UBXN2A: variants seen among roughly 807,000 people sequenced by gnomAD.
UBXN2A encodes the protein UBX domain protein 2A.
Under a neutral mutation model 28.4 loss-of-function variants are expected in UBXN2A, and 28 were observed. The observed-to-expected ratio is 0.99, with a 90% confidence interval of 0.73 to 1.35. The LOEUF is 1.35. UBXN2A is among the 40% of genes most tolerant of loss of function. The pLI, the probability that UBXN2A is intolerant of heterozygous loss-of-function variation, is 0.00. For missense variants in UBXN2A, 253 were observed against 297.9 expected, an observed-to-expected ratio of 0.85 and a Z score of 1.11; for synonymous variants, 97 against 103.6, an observed-to-expected ratio of 0.94 and a Z score of 0.39.
chr2:23,971,755 G>T (rs985651320), intron 3 of UBXN2A, among the ~76,000 whole-genome samples: 1 of 152,012 alleles, frequency 6.6e-6, no homozygotes, highest in Non-Finnish European at 1.5e-5. Context: ...TTCCCAAAGT[G>T]CTGGGATTAT....
chr2:23,998,155 C>T (rs1285762066), intron 6 of UBXN2A, among the ~76,000 whole-genome samples: 1 of 152,150 alleles, frequency 6.6e-6, no homozygotes, highest in Non-Finnish European at 1.5e-5. Context: ...TAGAATATCT[C>T]TCAACATTGT....
chr2:23,955,974 C>T (rs1706601674), intron 1 of UBXN2A, among the ~76,000 whole-genome samples: 1 of 152,224 alleles, frequency 6.6e-6, no homozygotes, highest in Non-Finnish European at 1.5e-5. Flanking sequence ...AAGTAATTCT[C>T]ATGCCTCAGC....
At chr2:23,948,134 C>T (rs1706180024) in intron 1 of UBXN2A, among the ~76,000 whole-genome samples, 1 of 152,008 alleles carries the variant, frequency 6.6e-6, no homozygotes, top group Non-Finnish European at 1.5e-5. Flanking sequence ...GGATTACAGG[C>T]GTGAGCAACT....
intron 6 of UBXN2A, among the ~76,000 whole-genome samples, chr2:23,993,834 T>C (rs1472419450): frequency 2.0e-5 from 3 of 152,020 alleles, no homozygotes; most frequent in Non-Finnish European, 4.4e-5. Flanking sequence ...ATTACAGGCA[T>C]GCGCTACCAC....
At chr2:23,947,186 G>C (rs914106544) in intron 1 of UBXN2A, among the ~76,000 whole-genome samples, 2 of 152,114 alleles carry the variant, frequency 1.3e-5, no homozygotes, top group African/African-American at 4.8e-5. Context: ...ACTGTGCCTG[G>C]CCTAACGTAA....
chr2:23,975,723 C>T (rs1408321243), intron 3 of UBXN2A, among the ~76,000 whole-genome samples: 1 of 152,140 alleles, frequency 6.6e-6, no homozygotes, highest in Non-Finnish European at 1.5e-5. Context: ...CCCACAGCTT[C>T]CACCTCCTGG....
intron 2 of UBXN2A, among the ~76,000 whole-genome samples, chr2:23,969,276 C>T: frequency 6.6e-6 from 1 of 152,152 alleles, no homozygotes; most frequent in Non-Finnish European, 1.5e-5. Context: ...GTGGCTCACA[C>T]CTGTAATGCC....
At chr2:23,952,656 G>C (rs1206655863) in intron 1 of UBXN2A, among the ~76,000 whole-genome samples, 5 of 117,746 alleles carry the variant, frequency 4.2e-5, no homozygotes, top group Non-Finnish European at 1.0e-4. Flanking sequence ...TGTTGGCCAG[G>C]CTAGTCTTGA....
chr2:23,997,214 A>AT (rs1456447552), intron 6 of UBXN2A: 1 of 151,892 alleles, frequency 6.6e-6, no homozygotes, highest in African/African-American at 2.4e-5. Context: ...GAGCCAGCCT[A>AT]TTTTTCTTGA....
intron 2 of UBXN2A, among the ~76,000 whole-genome samples, chr2:23,966,083 A>G (rs1456737949): frequency 2.0e-5 from 3 of 152,060 alleles, no homozygotes; most frequent in African/African-American, 4.8e-5. Flanking sequence ...CACCTGTTCA[A>G]TGGAGCCAGA....
intron 4 of UBXN2A, among the ~76,000 whole-genome samples, chr2:23,980,888 C>T (rs1266460454): frequency 1.3e-5 from 2 of 152,072 alleles, no homozygotes; most frequent in Non-Finnish European, 2.9e-5. Context: ...CGGCCTTTCA[C>T]AGTGCTGGGA....
At chr2:23,927,667 T>A (rs534156311) in intron 1 of UBXN2A, 2 of 151,582 alleles carry the variant, frequency 1.3e-5, no homozygotes, top group African/African-American at 4.8e-5. Flanking sequence ...GAACTCTGCG[T>A]TTTTAAACAA....
rs146865588 is a variant in UBXN2A at position 23,982,859 on chromosome 2, T to C, written c.288-37T>C. The stretch of plus-strand genomic sequence containing the variant: ...ATGTTTTTCAGAGAAATAAAATACA[T>C]TGGGAGCTTTATCATTTTCTTTCTT... On this transcript the variant is annotated intron_variant, in intron 4 of 6. Coordinates refer to ENST00000309033, the MANE Select transcript of UBXN2A (RefSeq NM_181713.4). 6 of 1,564,880 alleles carry C rather than the reference T, an allele frequency of 3.8e-6. No homozygotes were observed. In the African/African-American group the frequency reaches 6.9e-5, roughly 18 times the overall value.
chr2:23,977,164 G>C, intron 4 of UBXN2A, 89 bp downstream of exon 4: 1 of 987,056 alleles, frequency 1.0e-6, no homozygotes, highest in Non-Finnish European at 1.6e-6. Flanking sequence ...AGGAGTTCAA[G>C]GCCAGCCGGG....
intron 6 of UBXN2A, among the ~76,000 whole-genome samples, chr2:23,993,218 G>T (rs542618147): frequency 6.6e-6 from 1 of 152,190 alleles, no homozygotes; most frequent in Admixed American, 6.5e-5. Context: ...TGGGAATGGG[G>T]ATTTGTTATT....
chr2:23,971,532 A>G (rs1707421760), intron 3 of UBXN2A, 118 bp downstream of exon 3: 4 of 1,163,080 alleles, frequency 3.4e-6, no homozygotes, highest in South Asian at 2.3e-5. Flanking sequence ...TCTGTCACCC[A>G]GACTGGAGTG....
intron 2 of UBXN2A, among the ~76,000 whole-genome samples, chr2:23,962,675 GGC>G (rs1481562603): frequency 6.9e-6 from 1 of 145,126 alleles, no homozygotes; most frequent in Non-Finnish European, 1.5e-5. Flanking sequence ...ATGCAGTCTC[GGC>G]TCATGGCAGC....
intron 1 of UBXN2A, chr2:23,927,722 G>C (rs1573508782): frequency 6.6e-6 from 1 of 151,934 alleles, no homozygotes; most frequent in East Asian, 1.9e-4. Flanking sequence ...GATCTAAGGC[G>C]GAGCCAAAGA....
chr2:23,982,984 A>G lies in UBXN2A; in HGVS notation c.376A>G (p.Thr126Ala), dbSNP rs139155404. 2.1e-5 allele frequency: 34 copies of G among 1,611,890 alleles called. No homozygotes were observed. The Admixed American group carries it at 2.7e-4, about 13-fold the overall frequency. ...CAAGAAAAATGAAATATGTTTGTCTACGAAGCCTGTGTTCCAGCCCTTTTC... is the reference window on the plus strand; with the variant it reads ...CAAGAAAAATGAAATATGTTTGTCTGCGAAGCCTGTGTTCCAGCCCTTTTC... ...EDKKNEICLSTKPVFQPFSGQ... is the reference protein window; with the variant it reads ...EDKKNEICLSAKPVFQPFSGQ... Residue 126 changes from threonine (T) to alanine (A), a missense_variant, in exon 5 of 7, where the codon ACG (threonine) becomes GCG (alanine). Thr to Ala is a moderately conservative substitution (Grantham distance 58). Coordinates refer to ENST00000309033, the MANE Select transcript of UBXN2A (RefSeq NM_181713.4).
Sources: gnomAD v4.1 joint callset for allele counts (sites outside exome capture counted in the v4.1 genomes callset) on GRCh38, gnomAD v4.1.1 for gene constraint, MANE v1.5 for transcripts, NCBI Gene and HGNC (gene_info 2026-07-23, HGNC 2026-07-21) for gene names.